Variants in HELLS observed in about 807,000 individuals in gnomAD.
The protein encoded by HELLS is helicase, lymphoid specific, also known as lymphoid-specific helicase.
In HELLS, 32 loss-of-function variants were observed where a neutral mutation model predicts 120.0. The ratio of observed to expected loss-of-function variants is 0.27; its 90% CI spans 0.20 to 0.36. The LOEUF is 0.36. HELLS is among the 10% of genes least tolerant of loss of function. The pLI, the probability that HELLS is intolerant of heterozygous loss-of-function variation, is 1.00. For synonymous variants in HELLS, 341 were observed against 323.4 expected, an observed-to-expected ratio of 1.05 and a Z score of -0.58; for missense variants, 650 against 993.4, an observed-to-expected ratio of 0.65 and a Z score of 4.65.
chr10:94,595,663 A>G (rs1845705400), intron 19 of HELLS, among the ~76,000 whole-genome samples: 1 of 152,158 alleles, frequency 6.6e-6, no homozygotes. Flanking sequence ...GGGAACTGAC[A>G]TAGGTGAAAA....
chr10:94,603,859 G>A (rs986215515), downstream of HELLS, among the ~76,000 whole-genome samples: 3 of 150,358 alleles, frequency 2.0e-5, no homozygotes, highest in South Asian at 2.1e-4. Flanking sequence ...TTTGAGTCTC[G>A]CACTGTCGCC....
In HELLS at chr10:94,593,599, T is replaced by C; in HGVS notation, c.2072T>C (p.Ile691Thr). ...INLTAADTVI[I>T]YDSDWNPQSD... ...CTGACTGCAGCAGATACAGTTATCATTTATGATAGTGATTGGGTAAGTTGG... is the reference window on the plus strand; with the variant it reads ...CTGACTGCAGCAGATACAGTTATCACTTATGATAGTGATTGGGTAAGTTGG... Residue 691 changes from isoleucine (I) to threonine (T), a missense_variant, in exon 18 of 22, where the codon ATT becomes ACT. This residue lies in a region of HELLS where 22 missense variants were observed against 78.2 expected (regional missense o/e 0.28). Coordinates refer to ENST00000348459, the MANE Select transcript of HELLS (RefSeq NM_018063.5). 6.3e-7 allele frequency: 1 copy of C among 1,586,124 alleles called. No individual in the cohort carries two copies. The highest frequency in any genetic ancestry group is 8.7e-7 in the Non-Finnish European group (1 of 1,154,424).
intron 18 of HELLS, among the ~76,000 whole-genome samples, chr10:94,594,061 G>GC (rs2134118069): frequency 6.6e-6 from 1 of 150,722 alleles, no homozygotes; most frequent in Non-Finnish European, 1.5e-5. Flanking sequence ...GAGCCACCGC[G>GC]CCCGGCCATT....
At chr10:94,550,424 G>A (rs1290454340) in intron 2 of HELLS, among the ~76,000 whole-genome samples, 2 of 151,832 alleles carry the variant, frequency 1.3e-5, no homozygotes, top group African/African-American at 2.4e-5. Context: ...GACTACAGGC[G>A]CGTGCCACCA....
At position 94,560,110 on chromosome 10, in the gene HELLS, G is replaced by T. The variant is rs150214703; in HGVS notation, c.333+1915G>T. On this transcript the variant is annotated intron_variant, in intron 4 of 21. Transcript: ENST00000348459. The stretch of plus-strand genomic sequence containing the variant: ...TGCAGTGGCGTGATTTCGGCTCACT[G>T]CAACCTCTGTCTCCTGGGTTGAAGC... Among the ~76,000 whole-genome samples, 1,222 of 152,090 alleles carry T rather than the reference G, an allele frequency of 8.0e-3. 16 individuals are homozygous for T. Among genetic ancestry groups the T allele is most frequent in the African/African-American group, 0.026 (1,100 of 41,518 alleles).
chr10:94,567,864 G>A (rs1230073385), intron 6 of HELLS, among the ~76,000 whole-genome samples: 1 of 151,556 alleles, frequency 6.6e-6, no homozygotes, highest in African/African-American at 2.4e-5. Context: ...AGGTGAGATT[G>A]CGCCACTGCA....
chr10:94,587,179 G>A (rs1845206658), intron 12 of HELLS, among the ~76,000 whole-genome samples: 1 of 152,084 alleles, frequency 6.6e-6, no homozygotes, highest in South Asian at 2.1e-4. Context: ...AAGGAAACTT[G>A]TATGTCTGCA....
Position 94,545,809 on chromosome 10 carries a change from C to A in HELLS, c.-113C>A. ...CCGCGAAGGAGAAGCGCGCTTTTTT[C>A]CCTGGCGGGGGATTTGGCTAGAAGG... On this transcript the variant is annotated 5_prime_UTR_variant, in exon 1 of 22. Transcript: ENST00000348459. 1 of 1,262,692 alleles carries A rather than the reference C, an allele frequency of 7.9e-7. No homozygotes were observed. The highest frequency in any genetic ancestry group is 1.1e-6 in the Non-Finnish European group (1 of 883,866). 78.2% of individuals were successfully genotyped at this position (1,262,692 alleles called of 1,614,324 possible).
intron 21 of HELLS, among the ~76,000 whole-genome samples, chr10:94,600,731 T>G (rs1845994671): frequency 6.6e-6 from 1 of 152,132 alleles, no homozygotes; most frequent in Non-Finnish European, 1.5e-5. Context: ...AATTTTAACC[T>G]AAAAAGACAA....
chr10:94,586,848 C>G (rs1016734174), intron 12 of HELLS, among the ~76,000 whole-genome samples: 1 of 152,000 alleles, frequency 6.6e-6, no homozygotes, highest in African/African-American at 2.4e-5. Context: ...CCCGCCACCA[C>G]GCCTGACTAA....
At chr10:94,545,988 C>T (rs1386025688) in intron 1 of HELLS, 36 bp downstream of exon 1, 8 of 1,552,446 alleles carry the variant, frequency 5.2e-6, no homozygotes, top group Non-Finnish European at 7.0e-6. Flanking sequence ...CGGGTGGCAG[C>T]CTGCGGGGCT....
chr10:94,573,857 G>T (rs1844305169), intron 7 of HELLS, 103 bp from the exon 8 acceptor site: 1 of 658,738 alleles, frequency 1.5e-6, no homozygotes, highest in Admixed American at 2.7e-5. Context: ...TATACTTAAT[G>T]ATTATAGGAC....
chr10:94,571,110 C>A, intron 6 of HELLS: 1 of 239,834 alleles, frequency 4.2e-6, no homozygotes, highest in South Asian at 7.5e-5. Context: ...TGAATTTGTA[C>A]TTAATCTACT....
chr10:94,554,322 A>C lies in HELLS; in HGVS notation c.276+74A>C. The C allele has an allele frequency of 2.8e-6, 3 of 1,058,344 alleles. No homozygotes were observed. The South Asian group carries it at 6.0e-5, about 21-fold the overall frequency. 65.6% of individuals were successfully genotyped at this position (1,058,344 alleles called of 1,614,324 possible). Reference sequence around the variant, plus strand: ...ATAGCTTTATTGAAGTGTATATTATATACAGTAAAATGGACAGATTTTAAG... The same window carrying C: ...ATAGCTTTATTGAAGTGTATATTATCTACAGTAAAATGGACAGATTTTAAG... On this transcript the variant is annotated intron_variant, in intron 3 of 21. Transcript: ENST00000348459.
exon 10 of HELLS, chr10:94,610,270 G>T (rs2134146326): frequency 6.6e-6 from 1 of 152,008 alleles, no homozygotes; most frequent in Non-Finnish European, 1.5e-5. Context: ...GAATACACTG[G>T]ATTAAAAAAA....
chr10:94,596,886 T>A lies in HELLS; in HGVS notation c.2275T>A (p.Leu759Ile), dbSNP rs1283265967. The A allele has an allele frequency of 1.4e-5, 21 of 1,504,258 alleles. No homozygotes were observed. Among genetic ancestry groups the A allele is most frequent in the Non-Finnish European group, 1.9e-5 (21 of 1,082,152 alleles). 93.2% of individuals were successfully genotyped at this position (1,504,258 alleles called of 1,614,324 possible). A position where few individuals can be genotyped will look rare whatever the true frequency, so the allele number is the denominator to read the frequency against. The stretch of plus-strand genomic sequence containing the variant: ...TCATTTCAAAGGTGGTCAGTCTGGA[T>A]TAAATCTGTCTAAGAATTTCTTAGA... ...KNHFKGGQSG[L>I]NLSKNFLDPK... Residue 759 changes from leucine (L) to isoleucine (I), a missense_variant, in exon 20 of 22, where the codon TTA (leucine) becomes ATA (isoleucine). Leu to Ile is a conservative substitution (Grantham distance 5). Around this residue, in one of 9 missense-constraint regions of HELLS, gnomAD observed 90 missense variants for 109.2 expected, o/e 0.82. Transcript: ENST00000348459.
At chr10:94,600,487 T>G (rs1447606612) in intron 21 of HELLS, among the ~76,000 whole-genome samples, 1 of 152,158 alleles carries the variant, frequency 6.6e-6, no homozygotes, top group Admixed American at 6.5e-5. Flanking sequence ...GTGTGATATA[T>G]TGGCTAGAAG....
chr10:94,573,869 CAGT>C, intron 7 of HELLS, 88 bp from the exon 8 acceptor site: 1 of 708,506 alleles, frequency 1.4e-6, no homozygotes, highest in South Asian at 1.8e-5. Flanking sequence ...TTATAGGACT[CAGT>C]AGATTTTGTT....
At chr10:94,557,334 G>A in intron 3 of HELLS, 3 of 200,012 alleles carry the variant, frequency 1.5e-5, no homozygotes, top group South Asian at 6.3e-5. Context: ...ACTTTTTTAT[G>A]GTAAAGTAAA....
Sources: allele counts gnomAD v4.1 joint callset (sites outside exome capture counted in the v4.1 genomes callset), GRCh38; gene constraint gnomAD v4.1.1; regional missense constraint gnomAD v4.1.1; transcripts MANE v1.5; gene names NCBI Gene and HGNC (gene_info 2026-07-23, HGNC 2026-07-21).